HADH: variants seen among roughly 807,000 people sequenced by gnomAD.
HADH encodes hydroxyacyl-CoA dehydrogenase.
A neutral mutation model predicts 32.2 loss-of-function variants in HADH; 24 were observed. That is an observed-to-expected ratio of 0.75 (90% CI 0.54 to 1.05). The LOEUF (loss-of-function observed/expected upper bound fraction) is 1.05, where lower values mean the gene tolerates loss of function less well. Among genes scored for constraint, HADH ranks in the 50% least tolerant of loss-of-function variants. The probability of loss-of-function intolerance (pLI) is 0.00; values close to 1 mark genes in which losing one functional copy is unlikely to be tolerated. For synonymous variants in HADH, 139 were observed against 152.5 expected (o/e 0.91, Z 0.65); for missense variants, 350 against 397.1 (o/e 0.88, Z 1.01).
At chr4:107,996,273 C>G (rs995293969) in intron 1 of HADH, among the ~76,000 whole-genome samples, 1 of 152,190 alleles carries the variant, frequency 6.6e-6, no homozygotes, top group East Asian at 1.9e-4. Context: ...TATTAGTCTT[C>G]CTGGAGAGGC....
At chr4:108,017,725 T>C (rs937254957) in intron 3 of HADH, among the ~76,000 whole-genome samples, 7 of 152,120 alleles carry the variant, frequency 4.6e-5, no homozygotes, top group African/African-American at 1.7e-4. Context: ...CAGCTAATTT[T>C]TGTATTTTTA....
intron 1 of HADH, among the ~76,000 whole-genome samples, chr4:107,999,785 C>G (rs1308139173): frequency 6.6e-6 from 1 of 152,114 alleles, no homozygotes; most frequent in East Asian, 1.9e-4. Flanking sequence ...GTATGAACAA[C>G]TAATTGTAAT....
At position 107,989,894 on chromosome 4, in the gene HADH, C is replaced by A. The variant is rs758077730; in HGVS notation, c.-39C>A. On this transcript the variant is annotated 5_prime_UTR_variant, in exon 1 of 8. The change creates a new upstream start codon in the 5' untranslated region. Coordinates refer to ENST00000309522, the MANE Select transcript of HADH (RefSeq NM_005327.7). ...CGGCTGCCCGCCTCGCGCGTCTTCC[C>A]TGCCCGGGTCTCCTCGCTGTCGCCG... The A allele has an allele frequency of 6.2e-7, 1 of 1,605,862 alleles. No individual in the cohort carries two copies. Among genetic ancestry groups the A allele is most frequent in the South Asian group, 1.1e-5 (1 of 89,470 alleles).
intron 3 of HADH, among the ~76,000 whole-genome samples, chr4:108,016,752 G>A (rs754996943): frequency 1.3e-5 from 2 of 152,298 alleles, no homozygotes; most frequent in African/African-American, 4.8e-5. Flanking sequence ...CCTCAGTTTC[G>A]TCATCTGTAA....
At chr4:108,023,624 C>A (rs77473647) in intron 5 of HADH, 61 bp downstream of exon 5, 10,671 of 937,676 alleles carry the variant, frequency 0.011, 162 homozygotes, top group African/African-American at 0.056. Context: ...CTGACTTGTT[C>A]CTGGTAGAAT....
intron 3 of HADH, among the ~76,000 whole-genome samples, chr4:108,017,421 A>T (rs1164442173): frequency 1.3e-5 from 2 of 152,196 alleles, no homozygotes. Flanking sequence ...GCCATTGCTA[A>T]TAATCACTGT....
chr4:108,022,934 G>A (rs991332185), intron 4 of HADH, among the ~76,000 whole-genome samples: 6 of 151,394 alleles, frequency 4.0e-5, no homozygotes, highest in Non-Finnish European at 7.4e-5. Context: ...ATACACACAC[G>A]TACACACATA....
intron 3 of HADH, 32 bp from the exon 4 acceptor site, chr4:108,019,508 T>A (rs1232581812): frequency 1.2e-6 from 2 of 1,605,950 alleles, no homozygotes; most frequent in Admixed American, 1.7e-5. Flanking sequence ...AGAGATTCAC[T>A]CTGATACTCC....
chr4:107,996,359 G>A (rs1260610212), intron 1 of HADH, among the ~76,000 whole-genome samples: 1 of 152,074 alleles, frequency 6.6e-6, no homozygotes, highest in Non-Finnish European at 1.5e-5. Flanking sequence ...TAAATATAAC[G>A]ATGCTGTTGA....
In HADH at chr4:108,014,814, C is replaced by G. The variant is rs4956149; in HGVS notation, c.419+226C>G. Among the ~76,000 whole-genome samples, 131,817 of 152,076 alleles carry G rather than the reference C, an allele frequency of 0.87. 58,010 individuals carry two copies. Among genetic ancestry groups the G allele is most frequent in the East Asian group, 0.97 (5,027 of 5,172 alleles). ...CCTCGCCACCCTCCCACCTTTTGAA[C>G]TCTCCAGTGTCTGTTATTTCCCTCT... is the stretch of plus-strand genomic sequence containing the variant. On this transcript the variant is annotated intron_variant, in intron 3 of 7. Coordinates refer to ENST00000309522, the MANE Select transcript of HADH (RefSeq NM_005327.7).
intron 1 of HADH, among the ~76,000 whole-genome samples, chr4:107,991,370 C>T (rs774144265): frequency 2.0e-5 from 3 of 152,096 alleles, no homozygotes; most frequent in Non-Finnish European, 4.4e-5. Flanking sequence ...ACCAAGTCCA[C>T]GCTTTCATGC....
intron 2 of HADH, among the ~76,000 whole-genome samples, chr4:108,011,344 G>A (rs866303156): frequency 2.6e-5 from 4 of 152,100 alleles, no homozygotes; most frequent in African/African-American, 9.7e-5. Context: ...CACATGGCTG[G>A]GAAGGCCTTA....
At chr4:108,012,102 G>T (rs1735517286) in intron 2 of HADH, among the ~76,000 whole-genome samples, 1 of 151,544 alleles carries the variant, frequency 6.6e-6, no homozygotes, top group Admixed American at 6.6e-5. Context: ...GTACTGTGTT[G>T]CCCAGGCTGC....
At chr4:108,017,146 A>T (rs1201733905) in intron 3 of HADH, among the ~76,000 whole-genome samples, 1 of 152,310 alleles carries the variant, frequency 6.6e-6, no homozygotes, top group African/African-American at 2.4e-5. Flanking sequence ...TACTTTACTG[A>T]CAAATTTTAC....
intron 5 of HADH, chr4:108,025,850 A>C (rs939816017): frequency 1.3e-5 from 2 of 152,200 alleles, no homozygotes. Context: ...ACTGCACTCC[A>C]GCCTGGGCAA....
At chr4:108,004,975 A>G (rs1367496434) in intron 1 of HADH, 47 of 1,256,888 alleles carry the variant, frequency 3.7e-5, no homozygotes, top group Non-Finnish European at 4.1e-5. Context: ...GGAATGTTAA[A>G]CGAAGTGATA....
intron 4 of HADH, among the ~76,000 whole-genome samples, chr4:108,023,028 C>T (rs11734878): frequency 0.02 from 2,785 of 142,718 alleles, 47 homozygotes; most frequent in Middle Eastern, 0.057. Context: ...GTGTCTTGCT[C>T]TGTCACCCAG....
At chr4:108,022,267 T>G (rs1735918119) in intron 4 of HADH, among the ~76,000 whole-genome samples, 1 of 39,100 alleles carries the variant, frequency 2.6e-5, no homozygotes, top group Admixed American at 3.9e-4. Context: ...CTCTCCTGTT[T>G]AAAAATATAT....
chr4:108,023,426 A>G (rs986330971), intron 4 of HADH, 48 bp from the exon 5 acceptor site: 18 of 1,079,330 alleles, frequency 1.7e-5, no homozygotes, highest in Non-Finnish European at 2.6e-5. Context: ...ATTCTACCGA[A>G]GTTGCTTGCT....
Sources: gnomAD v4.1 joint callset for allele counts (sites outside exome capture counted in the v4.1 genomes callset) on GRCh38, gnomAD v4.1.1 for gene constraint, MANE v1.5 for transcripts, NCBI Gene and HGNC (gene_info 2026-07-23, HGNC 2026-07-21) for gene names.